STK33: variants seen among roughly 807,000 people sequenced by gnomAD.
STK33 encodes serine/threonine kinase 33, also known as serine/threonine-protein kinase 33.
STK33 carries 52 observed loss-of-function variants against 58.0 expected under a neutral mutation model. The observed-to-expected ratio is 0.90, with a 90% CI of 0.72 to 1.13. The LOEUF (loss-of-function observed/expected upper bound fraction) is 1.13. Among genes scored for constraint, STK33 ranks in the 50% most tolerant of loss-of-function variants. STK33 has a pLI of 0.00. For synonymous variants in STK33, 215 were observed against 200.1 expected, an observed-to-expected ratio of 1.07 and a Z score of -0.63; for missense variants, 630 against 604.2, an observed-to-expected ratio of 1.04 and a Z score of -0.45.
At chr11:8,440,619 C>G (rs1158179965) in intron 12 of STK33, 59 bp downstream of exon 12, 7 of 1,375,770 alleles carry the variant, frequency 5.1e-6, no homozygotes. Context: ...AAGTCTATAT[C>G]ACTCTACTGT....
At chr11:8,375,025 A>T in the STK33 span, among the ~76,000 whole-genome samples, 1 of 152,210 alleles carries the variant, frequency 6.6e-6, no homozygotes, top group East Asian at 1.9e-4. Context: ...CACAGACTAA[A>T]TTTATTAATG....
chr11:8,528,129 C>A (rs1318153947), intron 1 of STK33, among the ~76,000 whole-genome samples: 1 of 152,086 alleles, frequency 6.6e-6, no homozygotes, highest in Non-Finnish European at 1.5e-5. Context: ...CTGAGGAATG[C>A]GAGTTATGCA....
intron 10 of STK33, among the ~76,000 whole-genome samples, chr11:8,453,228 G>T (rs893806795): frequency 5.3e-5 from 8 of 151,850 alleles, no homozygotes; most frequent in Admixed American, 2.0e-4. Context: ...ATATAAAAAA[G>T]GTATTTTTGT....
intron 1 of STK33, among the ~76,000 whole-genome samples, chr11:8,555,351 A>T (rs1956661723): frequency 6.6e-6 from 1 of 152,114 alleles, no homozygotes; most frequent in African/African-American, 2.4e-5. Context: ...CAGTAATAGC[A>T]TATTGCACGT....
At chr11:8,457,047 T>C (rs886661104) in intron 9 of STK33, among the ~76,000 whole-genome samples, 2 of 152,222 alleles carry the variant, frequency 1.3e-5, no homozygotes, top group Non-Finnish European at 2.9e-5. Flanking sequence ...TTATGATTAA[T>C]AGATGTTTTG....
chr11:8,527,051 A>G (rs1479162593), intron 1 of STK33, among the ~76,000 whole-genome samples: 1 of 151,114 alleles, frequency 6.6e-6, no homozygotes, highest in Non-Finnish European at 1.5e-5. Flanking sequence ...GGCTCACTGC[A>G]AACTCCGCCT....
the STK33 span, among the ~76,000 whole-genome samples, chr11:8,364,534 C>A: frequency 6.6e-6 from 1 of 152,198 alleles, no homozygotes; most frequent in African/African-American, 2.4e-5. Context: ...GAGCAACCTG[C>A]AAACTGAAGA....
intron 1 of STK33, among the ~76,000 whole-genome samples, chr11:8,555,835 G>A (rs1005093003): frequency 4.6e-5 from 7 of 151,992 alleles, no homozygotes; most frequent in Non-Finnish European, 7.4e-5. Context: ...CAATTATGAT[G>A]TCAATTAAAA....
At chr11:8,408,770 C>T (rs2135518780) in intron 15 of STK33, among the ~76,000 whole-genome samples, 1 of 152,308 alleles carries the variant, frequency 6.6e-6, no homozygotes, top group South Asian at 2.1e-4. Flanking sequence ...AAAGCACAAC[C>T]AGCAAAAGGA....
chr11:8,396,113 TA>T (rs201628951), intron 15 of STK33, among the ~76,000 whole-genome samples: 1 of 151,254 alleles, frequency 6.6e-6, no homozygotes, highest in African/African-American at 2.5e-5. Flanking sequence ...AATATATATA[TA>T]TTTTTTGAGG....
intron 1 of STK33, among the ~76,000 whole-genome samples, chr11:8,529,765 G>A (rs1170927501): frequency 6.6e-6 from 1 of 152,154 alleles, no homozygotes; most frequent in Admixed American, 6.5e-5. Flanking sequence ...GCTTCTAGAA[G>A]CTGAGAAAGG....
intron 1 of STK33, among the ~76,000 whole-genome samples, chr11:8,590,852 G>A (rs1054024581): frequency 1.3e-5 from 2 of 152,054 alleles, no homozygotes; most frequent in African/African-American, 2.4e-5. Context: ...TTTCTGAATC[G>A]CATCTTAAGG....
At chr11:8,425,128 T>G (rs369323124) in intron 14 of STK33, among the ~76,000 whole-genome samples, 219 of 151,564 alleles carry the variant, frequency 1.4e-3, no homozygotes, top group Non-Finnish European at 1.4e-3. Flanking sequence ...GGTCTAACAT[T>G]TAAGTCTTTA....
chr11:8,522,251 T>C (rs1434497472), intron 1 of STK33, among the ~76,000 whole-genome samples: 1 of 152,106 alleles, frequency 6.6e-6, no homozygotes, highest in East Asian at 1.9e-4. Context: ...ATTGACTGGA[T>C]TAAGAAAATG....
intron 1 of STK33, among the ~76,000 whole-genome samples, chr11:8,584,110 GAA>G (rs35914021): frequency 0.065 from 8,209 of 126,588 alleles, 284 homozygotes; most frequent in Non-Finnish European, 0.089. Flanking sequence ...GAATTTAGAT[GAA>G]AAAAAAAAAA....
chr11:8,363,734 G>A, the STK33 span, among the ~76,000 whole-genome samples: 3 of 152,170 alleles, frequency 2.0e-5, no homozygotes, highest in African/African-American at 4.8e-5. Context: ...ATTGTTCTGT[G>A]ACCTTTAGAA....
chr11:8,492,425 C>T (rs1235564180), intron 1 of STK33, among the ~76,000 whole-genome samples: 2 of 152,022 alleles, frequency 1.3e-5, no homozygotes, highest in Non-Finnish European at 2.9e-5. Context: ...TACCCAATAC[C>T]AGAGCACCCA....
At chr11:8,532,848 A>G (rs1387901426) in intron 1 of STK33, among the ~76,000 whole-genome samples, 1 of 152,226 alleles carries the variant, frequency 6.6e-6, no homozygotes, top group Non-Finnish European at 1.5e-5. Flanking sequence ...ACAAAATATG[A>G]ATGTAATGCA....
At chr11:8,464,581 T>C (rs2137426771) in intron 7 of STK33, 128 bp downstream of exon 7, 1 of 516,886 alleles carries the variant, frequency 1.9e-6, no homozygotes, top group Non-Finnish European at 3.3e-6. Context: ...CACGCTTCTC[T>C]GGGGGATCAG....
Sources: gnomAD v4.1 joint callset for allele counts (sites outside exome capture counted in the v4.1 genomes callset) on GRCh38, gnomAD v4.1.1 for gene constraint, MANE v1.5 for transcripts, NCBI Gene and HGNC (gene_info 2026-07-23, HGNC 2026-07-21) for gene names.